CYTH1: variants seen among roughly 807,000 people sequenced by gnomAD.
CYTH1 encodes the protein cytohesin 1, also known as cytohesin-1.
A neutral mutation model predicts 61.8 loss-of-function variants in CYTH1; 18 were observed. That is an observed-to-expected ratio of 0.29 (90% CI 0.20 to 0.43). The LOEUF (loss-of-function observed/expected upper bound fraction) is 0.43, where lower values mean the gene tolerates loss of function less well. Among genes scored for constraint, CYTH1 ranks in the 20% least tolerant of loss-of-function variants. The pLI, the probability that CYTH1 is intolerant of heterozygous loss-of-function variation, is 1.00. For synonymous variants in CYTH1, 174 were observed against 184.3 expected, an observed-to-expected ratio of 0.94 and a Z score of 0.45; for missense variants, 336 against 510.5, an observed-to-expected ratio of 0.66 and a Z score of 3.29.
chr17:78,750,913 T>C (rs1598908093), intron 1 of CYTH1, among the ~76,000 whole-genome samples: 1 of 152,176 alleles, frequency 6.6e-6, no homozygotes, highest in South Asian at 2.1e-4. Flanking sequence ...GTCACACTTT[T>C]GTCAACTGAA....
chr17:78,721,759 AT>A (rs1259310645), intron 1 of CYTH1, among the ~76,000 whole-genome samples: 1 of 152,126 alleles, frequency 6.6e-6, no homozygotes, highest in Non-Finnish European at 1.5e-5. Flanking sequence ...AAAGGAAGGT[AT>A]TGGCTGGGCG....
chr17:78,703,822 C>T (rs769576729), intron 3 of CYTH1, among the ~76,000 whole-genome samples: 1 of 152,178 alleles, frequency 6.6e-6, no homozygotes, highest in African/African-American at 2.4e-5. Flanking sequence ...ATCTGTTTAT[C>T]CATTCACCAG....
At chr17:78,781,677 G>A (rs1012093613) in intron 1 of CYTH1, among the ~76,000 whole-genome samples, 3 of 152,136 alleles carry the variant, frequency 2.0e-5, no homozygotes, top group African/African-American at 7.2e-5. Context: ...ACAACTCGCT[G>A]ACGCCGAGAG....
intron 10 of CYTH1, among the ~76,000 whole-genome samples, chr17:78,694,598 G>A (rs937970927): frequency 1.3e-5 from 2 of 152,116 alleles, no homozygotes; most frequent in South Asian, 2.1e-4. Context: ...CCAGCCTGGC[G>A]GGCCATTGGT....
intron 1 of CYTH1, chr17:78,736,574 A>G: frequency 4.7e-6 from 1 of 213,124 alleles, no homozygotes. Flanking sequence ...CCTCCCCAAA[A>G]GGCTCAGTAA....
rs775011804 is a variant in CYTH1, at chr17:78,698,273, T to C, written c.807A>G (p.Lys269=). The C allele has an allele frequency of 6.2e-7, 1 of 1,613,250 alleles. No individual in the cohort carries two copies. The highest frequency in any genetic ancestry group is 8.5e-7 in the Non-Finnish European group (1 of 1,179,554). ...FNPDREGWLL[K]LGGGRVKTWK... ...CTGACTCAGAGGTGCGCTTACCGAG[T>C]TTCAATAGCCAGCCTTCTCGGTCTG... Residue 269 remains lysine, a synonymous_variant, in exon 9 of 14, where the codon AAA becomes AAG. Transcript: ENST00000446868.
intron 7 of CYTH1, among the ~76,000 whole-genome samples, chr17:78,699,595 A>G (rs1225407602): frequency 6.6e-6 from 1 of 152,168 alleles, no homozygotes; most frequent in Non-Finnish European, 1.5e-5. Flanking sequence ...CCATAATCCC[A>G]CTATCTAGCA....
intron 1 of CYTH1, among the ~76,000 whole-genome samples, chr17:78,721,437 C>T (rs78727317): frequency 0.024 from 3,648 of 152,344 alleles, 149 homozygotes; most frequent in African/African-American, 0.081. Flanking sequence ...AGGTGCCTTC[C>T]GGCAAATTGC....
At chr17:78,686,451 A>C (rs1391409741) in intron 11 of CYTH1, among the ~76,000 whole-genome samples, 1 of 152,062 alleles carries the variant, frequency 6.6e-6, no homozygotes, top group African/African-American at 2.4e-5. Flanking sequence ...TCCTCCTGTG[A>C]ATCTCTGATC....
chr17:78,707,315 T>G (rs1329080700), intron 3 of CYTH1, among the ~76,000 whole-genome samples: 1 of 152,082 alleles, frequency 6.6e-6, no homozygotes, highest in Non-Finnish European at 1.5e-5. Context: ...TTTATTGCAT[T>G]AAGCAGTCAG....
rs114566190 is a variant in CYTH1 at position 78,683,877 on chromosome 17, C to A, written c.892-2835G>T. The stretch of plus-strand genomic sequence containing the variant: ...TGGTGCCTGCACCTTTTGAGGATTC[C>A]GCTGGGTTAACTGGGTTGAGGCATC... On this transcript the variant is annotated intron_variant, in intron 11 of 13. Transcript: ENST00000446868. Among the ~76,000 whole-genome samples, 548 of 152,244 alleles carry A rather than the reference C, an allele frequency of 3.6e-3. 5 individuals are homozygous for A. Among genetic ancestry groups the A allele is most frequent in the African/African-American group, 0.013 (520 of 41,540 alleles).
chr17:78,767,239 G>A (rs1403481938), intron 1 of CYTH1, among the ~76,000 whole-genome samples: 1 of 152,098 alleles, frequency 6.6e-6, no homozygotes, highest in Non-Finnish European at 1.5e-5. Context: ...AGTCCGAGAT[G>A]GGAAGACTGC....
chr17:78,777,907 C>T (rs1009695281), intron 1 of CYTH1, among the ~76,000 whole-genome samples: 3 of 151,710 alleles, frequency 2.0e-5, no homozygotes, highest in Non-Finnish European at 2.9e-5. Flanking sequence ...TACCAACTTA[C>T]GCAGCAGGGA....
At chr17:78,714,495 TTG>T (rs1241075249) in intron 1 of CYTH1, among the ~76,000 whole-genome samples, 4 of 152,162 alleles carry the variant, frequency 2.6e-5, no homozygotes, top group Non-Finnish European at 5.9e-5. Flanking sequence ...TTGTACACTG[TTG>T]TGTTTGTGGT....
chr17:78,733,972 G>C (rs549193632), intron 1 of CYTH1, among the ~76,000 whole-genome samples: 4 of 152,194 alleles, frequency 2.6e-5, no homozygotes, highest in African/African-American at 9.6e-5. Context: ...AATCAAGGCC[G>C]GGCACAGTGG....
At chr17:78,695,840 C>A (rs938958149) in intron 10 of CYTH1, among the ~76,000 whole-genome samples, 167 bp downstream of exon 10, 1 of 152,188 alleles carries the variant, frequency 6.6e-6, no homozygotes, top group African/African-American at 2.4e-5. Flanking sequence ...TTGCTCCAAA[C>A]CCCTGATCCT....
intron 1 of CYTH1, among the ~76,000 whole-genome samples, chr17:78,715,752 G>A (rs2144491062): frequency 6.6e-6 from 1 of 152,288 alleles, no homozygotes; most frequent in African/African-American, 2.4e-5. Context: ...CCCTTTGAGT[G>A]GGCACCTGGC....
intron 1 of CYTH1, among the ~76,000 whole-genome samples, chr17:78,760,366 TATATATATATATATATATACAC>T (rs2093417233): frequency 1.6e-5 from 1 of 60,888 alleles, no homozygotes; most frequent in Admixed American, 1.9e-4. Flanking sequence ...TATATATATA[TATATATATATATATATATACAC>T]ACACATACAT....
chr17:78,677,065 C>T, intron 13 of CYTH1: 1 of 456,080 alleles, frequency 2.2e-6, no homozygotes, highest in South Asian at 1.5e-5. Context: ...TCACAAGAGA[C>T]AGTGTGTCCA....
Sources: gnomAD v4.1 joint callset for allele counts (sites outside exome capture counted in the v4.1 genomes callset) on GRCh38, gnomAD v4.1.1 for gene constraint, MANE v1.5 for transcripts, NCBI Gene and HGNC (gene_info 2026-07-23, HGNC 2026-07-21) for gene names.